The following PDZD2 variants were observed in gnomAD, a reference collection of about 807,000 sequenced individuals.
PDZD2 encodes PDZ domain containing 2, also known as PDZ domain-containing protein 2.
PDZD2 carries 90 observed loss-of-function variants against 220.7 expected under a neutral mutation model. The ratio of observed to expected loss-of-function variants is 0.41; its 90% CI spans 0.34 to 0.49. PDZD2 has a LOEUF of 0.49. Ranked by LOEUF, PDZD2 falls within the 20% of genes least tolerant of loss-of-function variation. The pLI, the probability that PDZD2 is intolerant of heterozygous loss-of-function variation, is 0.28. For synonymous variants in PDZD2, 1,375 were observed against 1,450.5 expected (o/e 0.95, Z 1.18); for missense variants, 3,174 against 3,608.5 (o/e 0.88, Z 3.08).
At chr5:31,882,152 A>T (rs1206227703) in intron 2 of PDZD2, among the ~76,000 whole-genome samples, 1 of 152,208 alleles carries the variant, frequency 6.6e-6, no homozygotes, top group African/African-American at 2.4e-5. Context: ...TTTGTGTGGC[A>T]TTACGCTAAG....
rs1753183676 is a variant in PDZD2 at position 32,010,226 on chromosome 5, T to C, written c.1255-104T>C. On this transcript the variant is annotated intron_variant, in intron 5 of 24. Coordinates refer to ENST00000438447, the MANE Select transcript of PDZD2 (RefSeq NM_178140.4). Reference sequence around the variant, plus strand: ...GACACAGAACATTTACTCCATGTAGTCTTTGGTTTGGGAGCATGTAGCTTG... The same window carrying C: ...GACACAGAACATTTACTCCATGTAGCCTTTGGTTTGGGAGCATGTAGCTTG... 5.4e-6 allele frequency: 4 copies of C among 739,654 alleles called. No individual in the cohort carries two copies. The Admixed American group carries it at 9.1e-5, about 17-fold the overall frequency. 45.8% of individuals were successfully genotyped at this position (739,654 alleles called of 1,614,324 possible).
At chr5:32,081,238 G>A (rs2112437910) in intron 19 of PDZD2, among the ~76,000 whole-genome samples, 1 of 152,266 alleles carries the variant, frequency 6.6e-6, no homozygotes, top group East Asian at 1.9e-4. Flanking sequence ...GGGTGCAGAT[G>A]TTTGGATGCT....
At chr5:31,851,729 T>C (rs560289486) in intron 2 of PDZD2, among the ~76,000 whole-genome samples, 24 of 152,200 alleles carry the variant, frequency 1.6e-4, no homozygotes, top group Non-Finnish European at 3.1e-4. Flanking sequence ...TTGATCTCTT[T>C]TCCAGTCAGC....
At chr5:31,847,563 T>C in intron 2 of PDZD2, 1 of 701,770 alleles carries the variant, frequency 1.4e-6, no homozygotes, top group South Asian at 1.4e-5. Flanking sequence ...CAGCATATTG[T>C]ACTGGCCTGC....
At chr5:31,666,483 A>T (rs1311478509) in intron 1 of PDZD2, among the ~76,000 whole-genome samples, 1 of 152,258 alleles carries the variant, frequency 6.6e-6, no homozygotes, top group East Asian at 1.9e-4. Flanking sequence ...AAGTTCATAC[A>T]TGCAAGGGGC....
chr5:31,815,802 A>T (rs1286070975), intron 2 of PDZD2, among the ~76,000 whole-genome samples: 1 of 152,186 alleles, frequency 6.6e-6, no homozygotes, highest in African/African-American at 2.4e-5. Flanking sequence ...ATTTTGTAAA[A>T]ACTTAAATGT....
intron 1 of PDZD2, among the ~76,000 whole-genome samples, chr5:31,743,701 C>A (rs1750404885): frequency 6.6e-6 from 1 of 152,074 alleles, no homozygotes; most frequent in South Asian, 2.1e-4. Flanking sequence ...TTCAGTTCAT[C>A]CATTCATTCG....
rs527284995 is a variant in PDZD2, at chr5:31,856,125, C to A, written c.476+56401C>A. 1.9e-3 allele frequency among the ~76,000 whole-genome samples: 295 copies of A among 152,320 alleles called. 4 individuals are homozygous for A. Among genetic ancestry groups the A allele is most frequent in the Non-Finnish European group, 2.5e-3 (173 of 68,030 alleles). ...AATATTTTCAGAGTTTGCACTCTTA[C>A]ACTGTTTTGTAACTCTCAATTCAAC... On this transcript the variant is annotated intron_variant, in intron 2 of 24. Coordinates refer to ENST00000438447, the MANE Select transcript of PDZD2 (RefSeq NM_178140.4).
chr5:31,759,497 T>C (rs1188943535), intron 1 of PDZD2, among the ~76,000 whole-genome samples: 1 of 151,542 alleles, frequency 6.6e-6, no homozygotes, highest in Non-Finnish European at 1.5e-5. Flanking sequence ...AAAACACAGA[T>C]ACACATACCC....
rs1407679098 is a variant in PDZD2 at position 32,108,799 on chromosome 5, A to C, written c.*664A>C. ...GTATAATGTACGTATGCAAAGTTCA[A>C]CTCAATAGGTTATTGATCACCATGA... On this transcript the variant is annotated 3_prime_UTR_variant, in exon 25 of 25. Coordinates refer to ENST00000438447, the MANE Select transcript of PDZD2 (RefSeq NM_178140.4). 6.5e-6 allele frequency: 1 copy of C among 152,678 alleles called. No individual in the cohort carries two copies. Among genetic ancestry groups the C allele is most frequent in the Non-Finnish European group, 1.5e-5 (1 of 68,048 alleles). The allele number at this position is 152,678 out of a possible 1,614,324, so 9.5% of individuals were successfully genotyped here. A position where few individuals can be genotyped will look rare whatever the true frequency, so the allele number is the denominator to read the frequency against.
chr5:32,020,283 G>A (rs1215341370), intron 6 of PDZD2, among the ~76,000 whole-genome samples: 3 of 152,096 alleles, frequency 2.0e-5, no homozygotes, highest in African/African-American at 4.8e-5. Context: ...GATTACAGGC[G>A]TGAGCCACCA....
At chr5:31,879,044 T>G (rs890079876) in intron 2 of PDZD2, among the ~76,000 whole-genome samples, 3 of 151,998 alleles carry the variant, frequency 2.0e-5, no homozygotes, top group Non-Finnish European at 2.9e-5. Flanking sequence ...GCCACCCGTT[T>G]ATATTCTAAT....
chr5:31,864,241 G>T (rs187174384), intron 2 of PDZD2, among the ~76,000 whole-genome samples: 3 of 152,294 alleles, frequency 2.0e-5, no homozygotes, highest in East Asian at 3.9e-4. Flanking sequence ...GTCTGATAAT[G>T]CTGCTTCCTT....
intron 2 of PDZD2, among the ~76,000 whole-genome samples, chr5:31,922,038 G>C (rs1192150087): frequency 6.6e-6 from 1 of 152,146 alleles, no homozygotes; most frequent in Non-Finnish European, 1.5e-5. Context: ...AGACCTGGAA[G>C]TCACCATTGC....
At chr5:31,759,558 T>TC (rs1366991932) in intron 1 of PDZD2, among the ~76,000 whole-genome samples, 16 of 124,576 alleles carry the variant, frequency 1.3e-4, no homozygotes, top group Non-Finnish European at 2.0e-4. Flanking sequence ...TTTTTTTTTT[T>TC]TGAGACTCAC....
intron 24 of PDZD2, 23 bp downstream of exon 24, chr5:32,101,262 C>G (rs1394495599): frequency 1.3e-6 from 2 of 1,559,270 alleles, no homozygotes; most frequent in African/African-American, 2.7e-5. Context: ...ACAACTCAGT[C>G]AGCCTTCTCT....
intron 2 of PDZD2, among the ~76,000 whole-genome samples, chr5:31,975,378 G>A (rs1039805583): frequency 3.3e-5 from 5 of 152,258 alleles, no homozygotes; most frequent in East Asian, 3.9e-4. Context: ...AGAACAGCAC[G>A]GGAAACACCC....
At chr5:31,895,131 G>T (rs1741428288) in intron 2 of PDZD2, among the ~76,000 whole-genome samples, 2 of 152,132 alleles carry the variant, frequency 1.3e-5, no homozygotes, top group South Asian at 4.1e-4. Flanking sequence ...CTCGTGATCT[G>T]CCCTCCTCGG....
chr5:31,669,244 T>A (rs1168949637), intron 1 of PDZD2, among the ~76,000 whole-genome samples: 2 of 151,818 alleles, frequency 1.3e-5, no homozygotes, highest in African/African-American at 2.4e-5. Flanking sequence ...TACAAAAAAA[T>A]TTTAAAAATT....
Sources: gnomAD v4.1 joint callset for allele counts (sites outside exome capture counted in the v4.1 genomes callset) on GRCh38, gnomAD v4.1.1 for gene constraint, MANE v1.5 for transcripts, NCBI Gene and HGNC (gene_info 2026-07-23, HGNC 2026-07-21) for gene names.